Variants in TAB2 observed in about 807,000 individuals in gnomAD.
TAB2 encodes the protein TGF-beta-activated kinase 1 and MAP3K7-binding protein 2.
In TAB2, 3 loss-of-function variants were observed where a neutral mutation model predicts 65.0. That is an observed-to-expected ratio of 0.05 (90% CI 0.02 to 0.12). The LOEUF is 0.12. Ranked by LOEUF, TAB2 falls within the 10% of genes least tolerant of loss-of-function variation. The probability of loss-of-function intolerance (pLI) is 1.00; values close to 1 mark genes in which losing one functional copy is unlikely to be tolerated. For synonymous variants in TAB2, 298 were observed against 285.1 expected (o/e 1.05, Z -0.46); for missense variants, 623 against 840.3 (o/e 0.74, Z 3.20).
At chr6:149,302,706 C>T (rs747125800) in intron 1 of TAB2, among the ~76,000 whole-genome samples, 1 of 152,216 alleles carries the variant, frequency 6.6e-6, no homozygotes, top group Non-Finnish European at 1.5e-5. Context: ...TATTACCACT[C>T]ACCTTCCCAT....
intron 1 of TAB2, among the ~76,000 whole-genome samples, chr6:149,352,825 GA>G (rs1228240921): frequency 2.0e-5 from 3 of 152,170 alleles, no homozygotes. Context: ...GTAGGTCCAG[GA>G]TGAAGCCCAG....
At chr6:149,290,543 G>A (rs1176799460) in intron 1 of TAB2, among the ~76,000 whole-genome samples, 1 of 152,128 alleles carries the variant, frequency 6.6e-6, no homozygotes, top group Non-Finnish European at 1.5e-5. Flanking sequence ...CAACAGACTA[G>A]AAGAGTGTGT....
chr6:149,220,969 T>C (rs1413108675), intron 1 of TAB2: 1 of 152,174 alleles, frequency 6.6e-6, no homozygotes, highest in African/African-American at 2.4e-5. Context: ...TTGAATTGTA[T>C]CATTGGCAAC....
At chr6:149,400,039 AAG>A (rs1237880100) in intron 6 of TAB2, among the ~76,000 whole-genome samples, 5 of 152,266 alleles carry the variant, frequency 3.3e-5, no homozygotes, top group Non-Finnish European at 7.3e-5. Context: ...ACAAGACAAT[AAG>A]AGGAAAAGAG....
At chr6:149,231,389 C>T (rs1777402209) in intron 1 of TAB2, among the ~76,000 whole-genome samples, 1 of 152,204 alleles carries the variant, frequency 6.6e-6, no homozygotes, top group Admixed American at 6.5e-5. Flanking sequence ...TGGTTATATA[C>T]TTATGCAATC....
intron 1 of TAB2, among the ~76,000 whole-genome samples, chr6:149,302,094 C>T (rs2114704036): frequency 6.6e-6 from 1 of 152,232 alleles, no homozygotes; most frequent in African/African-American, 2.4e-5. Context: ...ACAGCCTGTT[C>T]TGTTTCATAT....
intron 1 of TAB2, among the ~76,000 whole-genome samples, chr6:149,262,746 C>A (rs2114668648): frequency 6.6e-6 from 1 of 152,260 alleles, no homozygotes; most frequent in South Asian, 2.1e-4. Flanking sequence ...AAAATTAAAT[C>A]CAAGAGAAAC....
chr6:149,269,626 T>C (rs928669722), intron 1 of TAB2, among the ~76,000 whole-genome samples: 5 of 152,190 alleles, frequency 3.3e-5, no homozygotes, highest in South Asian at 4.1e-4. Context: ...CTGGCAACCA[T>C]TGATTGGTTA....
At chr6:149,321,173 ACT>A (rs964073352) in intron 1 of TAB2, 4 of 152,128 alleles carry the variant, frequency 2.6e-5, no homozygotes, top group Non-Finnish European at 5.9e-5. Flanking sequence ...AGGTTCTGAC[ACT>A]CTATATATGT....
intron 1 of TAB2, among the ~76,000 whole-genome samples, chr6:149,325,302 A>G (rs770034078): frequency 6.6e-6 from 1 of 152,198 alleles, no homozygotes; most frequent in African/African-American, 2.4e-5. Context: ...TTCTTGTTCT[A>G]GTTACATTAG....
At chr6:149,377,034 T>C (rs1250996646) in intron 2 of TAB2, among the ~76,000 whole-genome samples, 1 of 150,892 alleles carries the variant, frequency 6.6e-6, no homozygotes, top group Non-Finnish European at 1.5e-5. Context: ...ATGACTGGTA[T>C]GAATTTCAGA....
intron 1 of TAB2, among the ~76,000 whole-genome samples, chr6:149,352,960 T>G (rs1294304111): frequency 6.6e-6 from 1 of 152,102 alleles, no homozygotes. Context: ...GCTTTTAAGG[T>G]TTTGGCACCT....
At chr6:149,276,319 A>C (rs1489604401) in intron 1 of TAB2, among the ~76,000 whole-genome samples, 1 of 152,192 alleles carries the variant, frequency 6.6e-6, no homozygotes, top group Non-Finnish European at 1.5e-5. Flanking sequence ...TTAATATGTT[A>C]ATTGGTTTAT....
At chr6:149,400,408 C>A (rs1170157450) in intron 6 of TAB2, 1 of 1,614,190 alleles carries the variant, frequency 6.2e-7, no homozygotes, top group Non-Finnish European at 8.5e-7. Context: ...AACGAAAAGC[C>A]CACAGAAGAA....
At chr6:149,319,225 G>A (rs1779358064) in intron 1 of TAB2, among the ~76,000 whole-genome samples, 1 of 152,202 alleles carries the variant, frequency 6.6e-6, no homozygotes, top group African/African-American at 2.4e-5. Context: ...GAATTTTAGT[G>A]GGCATGGAAT....
At chr6:149,228,176 TA>T (rs960137849) in intron 1 of TAB2, among the ~76,000 whole-genome samples, 1 of 152,124 alleles carries the variant, frequency 6.6e-6, no homozygotes, top group East Asian at 1.9e-4. Flanking sequence ...ATTTAAAATT[TA>T]AAAAAAATCT....
At chr6:149,313,118 A>G (rs972823133), upstream of TAB2, among the ~76,000 whole-genome samples, 1 of 151,996 alleles carries the variant, frequency 6.6e-6, no homozygotes, top group Non-Finnish European at 1.5e-5. Context: ...AATCTTTGCC[A>G]CCTAATATTT....
intron 1 of TAB2, among the ~76,000 whole-genome samples, chr6:149,326,823 T>G (rs1779635569): frequency 6.6e-6 from 1 of 152,210 alleles, no homozygotes; most frequent in Non-Finnish European, 1.5e-5. Context: ...TTAAGCGGTT[T>G]TTAGCTTTTG....
chr6:149,333,872 C>G lies in TAB2; in HGVS notation c.-90+15857C>G, dbSNP rs543841199. ...ATAGTAAGAATGTTTAAGTGCTTTG[C>G]ATTAAGCATCTCAGGGAATAAGGAA... is the stretch of plus-strand genomic sequence containing the variant. On this transcript the variant is annotated intron_variant, in intron 1 of 6. Coordinates refer to ENST00000637181, the MANE Select transcript of TAB2 (RefSeq NM_001292034.3). Among the ~76,000 whole-genome samples the G allele has an allele frequency of 1.4e-4, 21 of 152,120 alleles. 1 individual carries two copies. In the South Asian group the frequency reaches 4.4e-3, roughly 32 times the overall value.
Sources: allele counts gnomAD v4.1 joint callset (sites outside exome capture counted in the v4.1 genomes callset), GRCh38; gene constraint gnomAD v4.1.1; transcripts MANE v1.5; gene names NCBI Gene and HGNC (gene_info 2026-07-23, HGNC 2026-07-21).